LRMDA: variants seen among roughly 807,000 people sequenced by gnomAD.
The protein encoded by LRMDA is leucine rich melanocyte differentiation associated.
A neutral mutation model predicts 29.8 loss-of-function variants in LRMDA; 18 were observed. The observed-to-expected ratio is 0.60, with a 90% confidence interval of 0.42 to 0.90. LRMDA has a LOEUF of 0.90. Ranked by LOEUF, LRMDA falls within the 40% of genes least tolerant of loss-of-function variation. LRMDA has a pLI of 0.00. For missense variants in LRMDA, 273 were observed against 273.9 expected (o/e 1.00, Z 0.02); for synonymous variants, 125 against 109.4 (o/e 1.14, Z -0.89).
chr10:75,816,226 A>T (rs903241004), intron 2 of LRMDA, among the ~76,000 whole-genome samples: 5 of 152,092 alleles, frequency 3.3e-5, no homozygotes, highest in African/African-American at 1.2e-4. Flanking sequence ...GGTGGACAAC[A>T]CTCTGTAATG....
At chr10:76,089,575 T>A (rs1395189621) in intron 5 of LRMDA, among the ~76,000 whole-genome samples, 1 of 152,144 alleles carries the variant, frequency 6.6e-6, no homozygotes, top group Non-Finnish European at 1.5e-5. Context: ...TCCAGCTCAG[T>A]CATCCTTGTC....
At chr10:75,590,918 C>A (rs941819890) in intron 2 of LRMDA, among the ~76,000 whole-genome samples, 1 of 151,732 alleles carries the variant, frequency 6.6e-6, no homozygotes, top group Non-Finnish European at 1.5e-5. Context: ...GCAAATTTTT[C>A]TATTTTTAGT....
At chr10:75,562,456 G>T (rs1329061508) in intron 2 of LRMDA, among the ~76,000 whole-genome samples, 2 of 152,100 alleles carry the variant, frequency 1.3e-5, no homozygotes, top group African/African-American at 4.8e-5. Flanking sequence ...CCTGAATACA[G>T]CATGCTGATG....
In LRMDA at chr10:75,577,620, A is replaced by G. The variant is rs531855063; in HGVS notation, c.131+139126A>G. On this transcript the variant is annotated intron_variant, in intron 2 of 6. Coordinates refer to ENST00000611255, the MANE Select transcript of LRMDA (RefSeq NM_001305581.2). Reference sequence around the variant, plus strand: ...CCAAGGTTGAAATGAAGGTAAAAATATTAAGGGCAGCCAGAGAGAAAGGTC... The same window carrying G: ...CCAAGGTTGAAATGAAGGTAAAAATGTTAAGGGCAGCCAGAGAGAAAGGTC... 4.3e-4 allele frequency among the ~76,000 whole-genome samples: 66 copies of G among 152,288 alleles called. No individual in the cohort carries two copies. In the South Asian group the frequency reaches 9.1e-3, roughly 21 times the overall value.
At chr10:75,767,473 A>G (rs1321541804) in intron 2 of LRMDA, among the ~76,000 whole-genome samples, 1 of 151,672 alleles carries the variant, frequency 6.6e-6, no homozygotes, top group Non-Finnish European at 1.5e-5. Context: ...CTTGATTCCC[A>G]CCTACCTGCT....
At chr10:76,263,979 A>C (rs1269571562) in intron 5 of LRMDA, among the ~76,000 whole-genome samples, 1 of 152,158 alleles carries the variant, frequency 6.6e-6, no homozygotes, top group Non-Finnish European at 1.5e-5. Flanking sequence ...GCAAGAGCTG[A>C]ACTTTGGAAC....
intron 6 of LRMDA, among the ~76,000 whole-genome samples, chr10:76,370,149 GT>G (rs1168507169): frequency 6.6e-6 from 1 of 151,994 alleles, no homozygotes; most frequent in Non-Finnish European, 1.5e-5. Context: ...AATAGGGCTT[GT>G]GCTTTATGCC....
chr10:75,563,561 C>T (rs371642866), intron 2 of LRMDA, among the ~76,000 whole-genome samples: 7 of 152,294 alleles, frequency 4.6e-5, no homozygotes, highest in East Asian at 3.9e-4. Flanking sequence ...AGCTTTGTTC[C>T]GTTGCTGGTG....
At chr10:76,188,846 G>A (rs1459459205) in intron 5 of LRMDA, among the ~76,000 whole-genome samples, 4 of 151,948 alleles carry the variant, frequency 2.6e-5, no homozygotes, top group Non-Finnish European at 4.4e-5. Context: ...CCAAGAGGAG[G>A]AGGATGGTTC....
intron 2 of LRMDA, among the ~76,000 whole-genome samples, chr10:75,550,642 G>A (rs970839421): frequency 1.3e-5 from 2 of 151,896 alleles, no homozygotes; most frequent in Non-Finnish European, 2.9e-5. Flanking sequence ...GAATGTTTAG[G>A]CCATTTATCC....
intron 2 of LRMDA, among the ~76,000 whole-genome samples, chr10:75,819,723 C>A (rs1306847640): frequency 6.6e-6 from 1 of 152,068 alleles, no homozygotes; most frequent in East Asian, 1.9e-4. Flanking sequence ...ATGCAGGTAG[C>A]CTTCTGGTAG....
intron 2 of LRMDA, among the ~76,000 whole-genome samples, chr10:75,842,823 C>A (rs1439014415): frequency 1.3e-5 from 2 of 151,230 alleles, no homozygotes; most frequent in Admixed American, 6.6e-5. Context: ...AGCCCAGGAG[C>A]TGGAGTCCAG....
intron 5 of LRMDA, among the ~76,000 whole-genome samples, chr10:76,172,534 G>C (rs776442810): frequency 1.3e-5 from 2 of 152,172 alleles, no homozygotes; most frequent in Non-Finnish European, 2.9e-5. Context: ...TAATGGAGAG[G>C]AGAGAATATT....
chr10:75,951,918 T>TG (rs1045072870), intron 2 of LRMDA, among the ~76,000 whole-genome samples: 2 of 152,326 alleles, frequency 1.3e-5, no homozygotes, highest in South Asian at 4.1e-4. Flanking sequence ...AGGGACTTTC[T>TG]GGGGGACGGA....
intron 2 of LRMDA, among the ~76,000 whole-genome samples, chr10:75,482,892 C>G (rs959597073): frequency 6.6e-6 from 1 of 151,754 alleles, no homozygotes; most frequent in Non-Finnish European, 1.5e-5. Flanking sequence ...TTTGCAATCT[C>G]GAAGCAAAAA....
chr10:76,036,105 C>G lies in LRMDA; in HGVS notation c.229C>G (p.Leu77Val), dbSNP rs758722866. 1.7e-5 allele frequency: 28 copies of G among 1,613,964 alleles called. No individual in the cohort carries two copies. Among genetic ancestry groups the G allele is most frequent in the Non-Finnish European group, 2.4e-5 (28 of 1,180,028 alleles). The change falls in exon 3 of 7, where the codon CTG (leucine) becomes GTG (valine). Residue 77 changes from leucine (L) to valine (V), a missense_variant. Physicochemically the swap from Leu to Val is conservative, Grantham distance 32. Coordinates refer to ENST00000611255, the MANE Select transcript of LRMDA (RefSeq NM_001305581.2). ...DDLVLPGLPR[L>V]HTLTLNKNRI... ...CCTTGTGTTGCCAGGGTTACCCAGA[C>G]TGCATACCTTAACCCTCAACAAGAA...
intron 2 of LRMDA, among the ~76,000 whole-genome samples, chr10:75,992,961 CAAATAAAAATAA>C (rs72087103): frequency 0.022 from 3,259 of 151,244 alleles, 59 homozygotes; most frequent in Non-Finnish European, 0.032. Context: ...GGTTAACTGT[CAAATAAAAATAA>C]AAATAAAAAT....
chr10:75,440,257 C>A (rs557192285), intron 2 of LRMDA, among the ~76,000 whole-genome samples: 1 of 147,898 alleles, frequency 6.8e-6, no homozygotes, highest in African/African-American at 2.5e-5. Context: ...AAGGGGGTGG[C>A]TGAAAAGTGG....
chr10:75,524,459 G>A (rs1355857758), intron 2 of LRMDA, among the ~76,000 whole-genome samples: 1 of 152,102 alleles, frequency 6.6e-6, no homozygotes, highest in South Asian at 2.1e-4. Flanking sequence ...TAGGGTCTTG[G>A]TGATGTAATT....
Sources: gnomAD v4.1 joint callset for allele counts (sites outside exome capture counted in the v4.1 genomes callset) on GRCh38, gnomAD v4.1.1 for gene constraint, MANE v1.5 for transcripts, NCBI Gene and HGNC (gene_info 2026-07-23, HGNC 2026-07-21) for gene names.